Variants in NF1 observed in about 807,000 individuals in gnomAD.
NF1 encodes neurofibromin 1.
In NF1, 122 loss-of-function variants were observed where a neutral mutation model predicts 325.7. The observed-to-expected ratio is 0.37, with a 90% CI of 0.32 to 0.44. The LOEUF (loss-of-function observed/expected upper bound fraction) is 0.44. NF1 is among the 20% of genes least tolerant of loss of function. NF1 has a pLI of 1.00. For synonymous variants in NF1, 1,091 were observed against 1,186.0 expected, an observed-to-expected ratio of 0.92 and a Z score of 1.65; for missense variants, 2,140 against 3,415.4, an observed-to-expected ratio of 0.63 and a Z score of 9.31.
intron 1 of NF1, among the ~76,000 whole-genome samples, chr17:31,150,061 A>G (rs981528727): frequency 1.3e-5 from 2 of 152,182 alleles, no homozygotes; most frequent in African/African-American, 4.8e-5. Flanking sequence ...TCGCTTCCAC[A>G]TTTCAAACAA....
intron 5 of NF1, among the ~76,000 whole-genome samples, chr17:31,175,345 CTTTTTTTTTTTTTT>C (rs869113407): frequency 8.4e-5 from 6 of 71,348 alleles, no homozygotes; most frequent in African/African-American, 5.7e-5. Flanking sequence ...TGTGCTTTTG[CTTTTTTTTTTTTTT>C]TTTTTTTTTG....
At chr17:31,247,059 G>T (rs1026441186) in intron 29 of NF1, among the ~76,000 whole-genome samples, 2 of 152,014 alleles carry the variant, frequency 1.3e-5, no homozygotes, top group Non-Finnish European at 2.9e-5. Context: ...CCTGGGCGTG[G>T]TGGTGGTGCG....
intron 36 of NF1, among the ~76,000 whole-genome samples, chr17:31,312,792 G>A (rs2068912605): frequency 6.6e-6 from 1 of 152,044 alleles, no homozygotes; most frequent in Admixed American, 6.6e-5. Context: ...ATTAAGTGTT[G>A]AAATGGGATA....
chr17:31,280,657 T>G (rs1038866522), intron 36 of NF1, among the ~76,000 whole-genome samples: 2 of 152,046 alleles, frequency 1.3e-5, no homozygotes, highest in Admixed American at 1.3e-4. Flanking sequence ...TTACAACAAT[T>G]TCCTAATTGG....
chr17:31,337,293 C>G, intron 42 of NF1, 75 bp from the exon 43 acceptor site: 1 of 1,254,814 alleles, frequency 8.0e-7, no homozygotes, highest in Non-Finnish European at 1.1e-6. Context: ...TTTCTAAATT[C>G]AAAATGAAAC....
intron 2 of NF1, among the ~76,000 whole-genome samples, chr17:31,156,584 AT>A (rs937200622): frequency 1.2e-4 from 19 of 152,120 alleles, no homozygotes; most frequent in African/African-American, 3.9e-4. Flanking sequence ...ATGTGGATTG[AT>A]TTTTTTATGA....
intron 36 of NF1, among the ~76,000 whole-genome samples, chr17:31,273,838 A>G (rs2067950700): frequency 1.3e-5 from 2 of 152,338 alleles, no homozygotes; most frequent in Non-Finnish European, 1.5e-5. Context: ...AATCCAGTGA[A>G]TAGCATTTGT....
chr17:31,240,903 A>G (rs1467276589), intron 29 of NF1, among the ~76,000 whole-genome samples: 1 of 152,188 alleles, frequency 6.6e-6, no homozygotes, highest in East Asian at 1.9e-4. Context: ...TTTGAGACAC[A>G]GTCTTGCTCT....
chr17:31,144,602 G>T (rs1916459891), intron 1 of NF1, among the ~76,000 whole-genome samples: 1 of 152,124 alleles, frequency 6.6e-6, no homozygotes, highest in South Asian at 2.1e-4. Context: ...TGGCTCCTCA[G>T]TGTTTCTTGG....
At chr17:31,181,564 A>G in intron 6 of NF1, 75 bp downstream of exon 6, 1 of 1,443,652 alleles carries the variant, frequency 6.9e-7, no homozygotes, top group Non-Finnish European at 9.7e-7. Context: ...CCTGAATCAA[A>G]AAGTTATGAC....
intron 5 of NF1, among the ~76,000 whole-genome samples, chr17:31,172,922 A>G (rs1468136999): frequency 6.6e-6 from 1 of 152,082 alleles, no homozygotes; most frequent in African/African-American, 2.4e-5. Flanking sequence ...AAAAATAATG[A>G]GAGTTGTGGA....
intron 5 of NF1, among the ~76,000 whole-genome samples, chr17:31,179,864 A>G (rs1415671388): frequency 6.6e-6 from 1 of 152,210 alleles, no homozygotes; most frequent in Non-Finnish European, 1.5e-5. Context: ...CCAGACTCAT[A>G]AAGAAGAAAG....
rs786203860 is a variant in NF1, at chr17:31,219,086, C to T, written c.1609C>T (p.His537Tyr). 6.2e-7 allele frequency: 1 copy of T among 1,613,802 alleles called. No homozygotes were observed. The highest frequency in any genetic ancestry group is 8.5e-7 in the Non-Finnish European group (1 of 1,179,858). The change falls in exon 14 of 58, where the codon CAC (histidine) becomes TAC (tyrosine). Residue 537 changes from histidine (H) to tyrosine (Y), a missense_variant. By Grantham distance (83) the His-to-Tyr change is moderately conservative. This residue lies in a region of NF1 where 179 missense variants were observed against 381.0 expected (regional missense o/e 0.47). Coordinates refer to ENST00000358273, the MANE Select transcript of NF1 (RefSeq NM_001042492.3). The stretch of plus-strand genomic sequence containing the variant: ...GCTCGTCCAACTGGTCCCTCAGTCA[C>T]ACATGCCAGAGATTGCTCAGGAAGC... ...TGLVQLVPQS[H>Y]MPEIAQEAME...
chr17:31,231,502 T>C (rs1333725264), intron 24 of NF1, among the ~76,000 whole-genome samples: 2 of 152,122 alleles, frequency 1.3e-5, no homozygotes, highest in African/African-American at 4.8e-5. Context: ...TGCCCACATC[T>C]TACTCCCATG....
chr17:31,237,691 A>G (rs2067227554), intron 29 of NF1, among the ~76,000 whole-genome samples: 2 of 145,604 alleles, frequency 1.4e-5, no homozygotes, highest in Admixed American at 6.9e-5. Flanking sequence ...TCAAGTGTAC[A>G]TAATACATTA....
intron 12 of NF1, among the ~76,000 whole-genome samples, chr17:31,212,980 G>A (rs2952993): frequency 0.7 from 106,688 of 151,984 alleles, 37,688 homozygotes; most frequent in Middle Eastern, 0.84. Flanking sequence ...CTCTATTTAC[G>A]TTTTTTGGAA....
At chr17:31,248,390 T>C (rs2067436618) in intron 29 of NF1, among the ~76,000 whole-genome samples, 1 of 152,196 alleles carries the variant, frequency 6.6e-6, no homozygotes, top group Non-Finnish European at 1.5e-5. Flanking sequence ...AGAGATCATG[T>C]TTCTAACATA....
intron 29 of NF1, among the ~76,000 whole-genome samples, chr17:31,238,814 T>C (rs2067246550): frequency 6.6e-6 from 1 of 151,724 alleles, no homozygotes; most frequent in Admixed American, 6.6e-5. Context: ...ATAATCAGAT[T>C]GTAGAGTACT....
At position 31,222,432 on chromosome 17, in the gene NF1, T is replaced by C. The variant is rs1190346992; in HGVS notation, c.1721+503T>C. 4.8e-6 allele frequency: 5 copies of C among 1,032,450 alleles called. No homozygotes were observed. The African/African-American group carries it at 8.4e-5, about 17-fold the overall frequency. The allele number at this position is 1,032,450 out of a possible 1,614,324, so 64.0% of individuals were successfully genotyped here. A position where few individuals can be genotyped will look rare whatever the true frequency, so the allele number is the denominator to read the frequency against. ...TCCTAGATTATACAAATCATTACAT[T>C]TTAATGAGCATGAAGTCACCACACG... On this transcript the variant is annotated intron_variant, in intron 15 of 57. Transcript: ENST00000358273.
Sources: allele counts gnomAD v4.1 joint callset (sites outside exome capture counted in the v4.1 genomes callset), GRCh38; gene constraint gnomAD v4.1.1; regional missense constraint gnomAD v4.1.1; transcripts MANE v1.5; gene names NCBI Gene and HGNC (gene_info 2026-07-23, HGNC 2026-07-21).